Variants in SP2 observed in about 807,000 individuals in gnomAD.
The protein encoded by SP2 is Sp2 transcription factor.
Under a neutral mutation model 50.1 loss-of-function variants are expected in SP2, and 9 were observed. The ratio of observed to expected loss-of-function variants is 0.18; its 90% CI spans 0.11 to 0.31. The LOEUF (loss-of-function observed/expected upper bound fraction) is 0.31. SP2 is among the 10% of genes least tolerant of loss of function. SP2 has a pLI of 1.00. For synonymous variants in SP2, 313 were observed against 326.6 expected (o/e 0.96, Z 0.45); for missense variants, 581 against 806.5 (o/e 0.72, Z 3.39).
chr17:47,916,660 G>T lies in SP2; in HGVS notation c.589G>T (p.Gly197Trp). 6.2e-7 allele frequency: 1 copy of T among 1,613,908 alleles called. No homozygotes were observed. Among genetic ancestry groups the T allele is most frequent in the Non-Finnish European group, 8.5e-7 (1 of 1,179,872 alleles). The change falls in exon 3 of 7, where the codon GGG (glycine) becomes TGG (tryptophan). Residue 197 changes from glycine (G) to tryptophan (W), a missense_variant. This residue lies in a region of SP2 where 397 missense variants were observed against 491.0 expected (regional missense o/e 0.81). Coordinates refer to ENST00000376741, the MANE Select transcript of SP2 (RefSeq NM_003110.6). The surrounding 1 kb of genome is among the most constrained non-coding windows in gnomAD (Gnocchi z 4.7). ...TACGACCACCACCCCCGTGCAGAGC[G>T]GGGCCAATGTGGTGAAGCTGACAGG... Reference protein sequence around the residue: ...SSTTTTPVQSGANVVKLTGGG... With the variant: ...SSTTTTPVQSWANVVKLTGGG...
chr17:47,908,194 C>A (rs2034839946), intron 1 of SP2, among the ~76,000 whole-genome samples: 1 of 152,346 alleles, frequency 6.6e-6, no homozygotes, highest in Admixed American at 6.5e-5. Context: ...AACCTCCTAA[C>A]TGAAGAGTCA....
In SP2 at chr17:47,916,396, C is replaced by A. The variant is rs763271786; in HGVS notation, c.325C>A (p.Gln109Lys). ...SQLSASYPGG[Q>K]LVFAIQNPTM... is the part of the protein sequence containing the mutation. The stretch of plus-strand genomic sequence containing the variant: ...ACTGAGCGCCTCCTATCCTGGAGGG[C>A]AGCTGGTGTTCGCTATCCAGAATCC... Residue 109 changes from glutamine to lysine, a missense_variant, in exon 3 of 7, where the codon CAG becomes AAG. Gln to Lys is a moderately conservative substitution (Grantham distance 53, BLOSUM62 1). Coordinates refer to ENST00000376741, the MANE Select transcript of SP2 (RefSeq NM_003110.6). This position sits in a 1 kb window ranked among gnomAD's most constrained non-coding sequence, Gnocchi z 4.7. 1 of 1,614,120 alleles carries A rather than the reference C, an allele frequency of 6.2e-7. No individual in the cohort carries two copies. The highest frequency in any genetic ancestry group is 1.1e-5 in the South Asian group (1 of 91,080).
chr17:47,911,984 A>G (rs1299846512), intron 1 of SP2, among the ~76,000 whole-genome samples: 12 of 152,144 alleles, frequency 7.9e-5, no homozygotes, highest in Non-Finnish European at 1.5e-5. Context: ...CTAGACTATC[A>G]TATTGCCCAA....
At chr17:47,925,636 TC>T in intron 6 of SP2, 95 bp downstream of exon 6, 1 of 965,040 alleles carries the variant, frequency 1.0e-6, no homozygotes, top group Non-Finnish European at 1.6e-6. Context: ...ACATTGACAC[TC>T]CTGGAACTGC....
chr17:47,923,782 C>T (rs1362446846), intron 4 of SP2, among the ~76,000 whole-genome samples: 2 of 152,104 alleles, frequency 1.3e-5, no homozygotes, highest in African/African-American at 2.4e-5. Flanking sequence ...CTCACTCTGT[C>T]GCCCAGGCTG....
At chr17:47,902,217 A>T (rs1455057270) in intron 1 of SP2, among the ~76,000 whole-genome samples, 1 of 152,128 alleles carries the variant, frequency 6.6e-6, no homozygotes, top group Admixed American at 6.5e-5. Context: ...CAGGGGCCAT[A>T]CTTGGTATGT....
intron 1 of SP2, among the ~76,000 whole-genome samples, chr17:47,910,766 T>G (rs138513228): frequency 1.3e-5 from 2 of 152,346 alleles, no homozygotes; most frequent in Admixed American, 6.5e-5. Flanking sequence ...TCTAAAGTTA[T>G]GTCATCTTTC....
At chr17:47,906,683 C>T (rs1250973444) in intron 1 of SP2, among the ~76,000 whole-genome samples, 3 of 152,150 alleles carry the variant, frequency 2.0e-5, no homozygotes, top group African/African-American at 7.2e-5. Context: ...TGAAGTTTTT[C>T]AAGGATCTGG....
chr17:47,927,118 G>T (rs1256872052), intron 6 of SP2, among the ~76,000 whole-genome samples: 2 of 152,202 alleles, frequency 1.3e-5, no homozygotes, highest in African/African-American at 4.8e-5. Context: ...AAGAAAGCAG[G>T]CAGACAGCCT....
At chr17:47,907,994 T>G (rs1222766274) in intron 1 of SP2, among the ~76,000 whole-genome samples, 1 of 152,324 alleles carries the variant, frequency 6.6e-6, no homozygotes, top group East Asian at 1.9e-4. Context: ...TCGGTCTCTC[T>G]TTTGGTTGCC....
chr17:47,911,314 G>A (rs1378013484), intron 1 of SP2, among the ~76,000 whole-genome samples: 1 of 151,826 alleles, frequency 6.6e-6, no homozygotes, highest in Non-Finnish European at 1.5e-5. Flanking sequence ...GGCCAAGGTG[G>A]GTGGATCACT....
intron 3 of SP2, among the ~76,000 whole-genome samples, chr17:47,919,629 G>C (rs982961601): frequency 6.6e-6 from 1 of 151,620 alleles, no homozygotes; most frequent in African/African-American, 2.4e-5. Flanking sequence ...CTACACACAA[G>C]AACATTCTAC....
intron 4 of SP2, 119 bp from the exon 5 acceptor site, chr17:47,924,800 G>A: frequency 1.2e-6 from 1 of 865,466 alleles, no homozygotes; most frequent in African/African-American, 1.7e-5. Flanking sequence ...CCAACATACA[G>A]CAGGCTCTCA....
chr17:47,911,791 C>T (rs2034997583), intron 1 of SP2, among the ~76,000 whole-genome samples: 1 of 146,678 alleles, frequency 6.8e-6, no homozygotes, highest in African/African-American at 2.5e-5. Flanking sequence ...GGCGACAGAG[C>T]GAGACTCCGT....
intron 1 of SP2, among the ~76,000 whole-genome samples, chr17:47,913,684 A>G (rs1307253186): frequency 1.3e-5 from 2 of 152,314 alleles, no homozygotes; most frequent in Middle Eastern, 3.4e-3. Flanking sequence ...TTAGGATTAC[A>G]TGCATGAGCT....
chr17:47,917,920 C>T, intron 3 of SP2: 1 of 241,300 alleles, frequency 4.1e-6, no homozygotes, highest in Non-Finnish European at 8.9e-6. Context: ...TGCTAAGTGC[C>T]AGTAATTGTG....
At chr17:47,931,112 C>T (rs750331173), downstream of SP2, among the ~76,000 whole-genome samples, 2 of 152,080 alleles carry the variant, frequency 1.3e-5, no homozygotes, top group Non-Finnish European at 2.9e-5. Context: ...GAGGCCGAGG[C>T]GGGTGAATCA....
chr17:47,900,109 GTGA>G lies in SP2; in HGVS notation c.7+3818_7+3820del, dbSNP rs1296573114. 3.9e-5 allele frequency: 6 copies of G among 152,360 alleles called. No homozygotes were observed. The East Asian group carries it at 1.2e-3, about 29-fold the overall frequency. 9.4% of individuals were successfully genotyped at this position (152,360 alleles called of 1,614,324 possible). The stretch of plus-strand genomic sequence containing the variant: ...TGAGATACCAGTTTGTCCCTTTGTG[GTGA>G]TTTAGGCAGTTAGGTGGCCTTTGAT... On this transcript the variant is annotated intron_variant, in intron 1 of 6. Coordinates refer to ENST00000376741, the MANE Select transcript of SP2 (RefSeq NM_003110.6).
At position 47,928,090 on chromosome 17, in the gene SP2, C is replaced by T. The variant is rs990047758; in HGVS notation, c.*266C>T. On this transcript the variant is annotated 3_prime_UTR_variant, in exon 7 of 7. Coordinates refer to ENST00000376741, the MANE Select transcript of SP2 (RefSeq NM_003110.6). ...CCGTGCCCAATGAGACGTTCTAAAC[C>T]AGGACGCGTGGGAACCCTTATTTCC... 3.1e-5 allele frequency: 13 copies of T among 417,894 alleles called. No individual in the cohort carries two copies. Among genetic ancestry groups the T allele is most frequent in the African/African-American group, 4.0e-5 (2 of 49,626 alleles). The allele number at this position is 417,894 out of a possible 1,614,324, so 25.9% of individuals were successfully genotyped here. A position where few individuals can be genotyped will look rare whatever the true frequency, so the allele number is the denominator to read the frequency against.
Sources: gnomAD v4.1 joint callset for allele counts (sites outside exome capture counted in the v4.1 genomes callset) on GRCh38, gnomAD v4.1.1 for gene constraint, gnomAD v4.1.1 regional missense constraint, Gnocchi (gnomAD v3.1) non-coding constraint, MANE v1.5 for transcripts, NCBI Gene and HGNC (gene_info 2026-07-23, HGNC 2026-07-21) for gene names.